TTC34: variants seen among roughly 807,000 people sequenced by gnomAD.
TTC34 encodes the protein tetratricopeptide repeat domain 34.
In TTC34, 44 loss-of-function variants were observed where a neutral mutation model predicts 40.7. That is an observed-to-expected ratio of 1.08 (90% CI 0.85 to 1.39). TTC34 has a LOEUF of 1.39. Among genes scored for constraint, TTC34 ranks in the 40% most tolerant of loss-of-function variants. TTC34 has a pLI of 0.00. For missense variants in TTC34, 884 were observed against 838.0 expected (o/e 1.05, Z -0.68); for synonymous variants, 422 against 398.6 (o/e 1.06, Z -0.70).
intron 6 of TTC34, among the ~76,000 whole-genome samples, chr1:2,778,244 A>G (rs997020236): frequency 6.6e-6 from 1 of 152,224 alleles, no homozygotes; most frequent in Non-Finnish European, 1.5e-5. Context: ...AAGCCCTGGC[A>G]GGCACATTGC....
rs1218422550 is a variant in TTC34 at position 2,683,688 on chromosome 1, C to G, written c.2227-38125G>C. 4.0e-5 allele frequency among the ~76,000 whole-genome samples: 6 copies of G among 148,180 alleles called. No individual in the cohort carries two copies. The South Asian group carries it at 1.1e-3, about 26-fold the overall frequency. ...GCACGCTGCACCCCCAGGTGACGAT[C>G]TGACAGCCTGGAACAGCACCCACAC... is the stretch of plus-strand genomic sequence containing the variant. On this transcript the variant is annotated intron_variant, in intron 6 of 8. Transcript: ENST00000401095.
rs1333298359 is a variant in TTC34, at chr1:2,691,024, C to G, written c.2227-45461G>C. On this transcript the variant is annotated intron_variant, in intron 6 of 8. Transcript: ENST00000401095. ...CAGCCTGGAGCGGAACCCACACCAA[C>G]AGGCGAGCATCTGACAGCCTCGGTC... Among the ~76,000 whole-genome samples the G allele has an allele frequency of 5.8e-5, 5 of 85,744 alleles. 1 individual carries two copies. Among genetic ancestry groups the G allele is most frequent in the African/African-American group, 1.9e-4 (5 of 26,810 alleles). The allele number at this position is 85,744 out of a possible 152,430, so 56.3% of individuals were successfully genotyped here.
At chr1:2,686,008 G>T (rs1397677999) in intron 6 of TTC34, among the ~76,000 whole-genome samples, 2 of 119,226 alleles carry the variant, frequency 1.7e-5, no homozygotes. Flanking sequence ...ACCCCCAGGT[G>T]AGCATCTGAC....
In TTC34 at chr1:2,785,108, G is replaced by A. The variant is rs111513355; in HGVS notation, c.2059+711C>T. On this transcript the variant is annotated intron_variant, in intron 5 of 8. Coordinates refer to ENST00000401095, the Ensembl canonical transcript of TTC34. ...GCCCTCTGAATCCCCACTTCCACCC[G>A]ACATGGGCAACGCTGCCATCCCCCT... Among the ~76,000 whole-genome samples the A allele has an allele frequency of 4.6e-5, 7 of 152,292 alleles. 1 individual carries two copies. Among genetic ancestry groups the A allele is most frequent in the South Asian group, 2.1e-4 (1 of 4,828 alleles).
chr1:2,801,064 C>A (rs992401373), intron 1 of TTC34, among the ~76,000 whole-genome samples, 196 bp from the exon 2 acceptor site: 4 of 152,160 alleles, frequency 2.6e-5, no homozygotes, highest in Admixed American at 1.3e-4. Flanking sequence ...CAACTTCCAG[C>A]CCACTGTTCA....
At chr1:2,748,847 G>T (rs1425033491) in intron 6 of TTC34, among the ~76,000 whole-genome samples, 2 of 139,458 alleles carry the variant, frequency 1.4e-5, no homozygotes, top group Non-Finnish European at 3.0e-5. Context: ...ACAAACCCAG[G>T]TGAGCATCTG....
chr1:2,759,275 AC>A (rs1641611098), intron 6 of TTC34, among the ~76,000 whole-genome samples: 1 of 121,958 alleles, frequency 8.2e-6, no homozygotes, highest in Non-Finnish European at 1.7e-5. Context: ...CAGCACCCAC[AC>A]CCCCAGGCGA....
At chr1:2,688,353 T>C (rs1640468219) in intron 6 of TTC34, among the ~76,000 whole-genome samples, 1 of 144,598 alleles carries the variant, frequency 6.9e-6, no homozygotes, top group African/African-American at 2.7e-5. Flanking sequence ...TCGGACAGCC[T>C]GGAGCAGCAC....
At chr1:2,640,870 G>A (rs1443896095) in exon 9 of TTC34, 1 of 151,370 alleles carries the variant, frequency 6.6e-6, no homozygotes, top group African/African-American at 2.4e-5. Flanking sequence ...CAACTGCAGG[G>A]ACCAGGTTGC....
chr1:2,757,685 C>T (rs1641552399), intron 6 of TTC34, among the ~76,000 whole-genome samples: 1 of 142,340 alleles, frequency 7.0e-6, no homozygotes. Flanking sequence ...AGGTGAACAT[C>T]CGACATCGTG....
chr1:2,783,788 G>C lies in TTC34; in HGVS notation c.2060-13C>G. 1 of 1,485,204 alleles carries C rather than the reference G, an allele frequency of 6.7e-7. No homozygotes were observed. Among genetic ancestry groups the C allele is most frequent in the African/African-American group, 1.4e-5 (1 of 71,456 alleles). 92.0% of individuals were successfully genotyped at this position (1,485,204 alleles called of 1,614,324 possible). A position where few individuals can be genotyped will look rare whatever the true frequency, so the allele number is the denominator to read the frequency against. ...CTTGCCTGGCTTCCTGCAGGAAGAC[G>C]GCATGGGGTCAGGATGAGCCTATGC... On this transcript the variant is annotated splice_polypyrimidine_tract_variant and intron_variant, in intron 5 of 8. Coordinates refer to ENST00000401095, the Ensembl canonical transcript of TTC34.
At chr1:2,785,782 C>G (rs1643577620) in intron 5 of TTC34, 37 bp downstream of exon 5, 1 of 1,530,674 alleles carries the variant, frequency 6.5e-7, no homozygotes. Context: ...GTGCCTGGCA[C>G]AAGACTGGGC....
chr1:2,769,632 C>G (rs1404933811), intron 6 of TTC34, among the ~76,000 whole-genome samples: 20 of 142,920 alleles, frequency 1.4e-4, no homozygotes, highest in Non-Finnish European at 2.6e-4. Context: ...CACCCACACC[C>G]CCAGGTGAGC....
chr1:2,753,101 GC>G (rs1641380046), intron 6 of TTC34, among the ~76,000 whole-genome samples: 45 of 130,864 alleles, frequency 3.4e-4, no homozygotes, highest in East Asian at 9.4e-4. Flanking sequence ...ACACCCCCAG[GC>G]GAGCATCCGA....
At chr1:2,676,931 C>A (rs865812690) in intron 6 of TTC34, among the ~76,000 whole-genome samples, 3 of 148,158 alleles carry the variant, frequency 2.0e-5, no homozygotes, top group South Asian at 2.2e-4. Context: ...CCCACACCCC[C>A]AGGTGAGCAT....
intron 6 of TTC34, among the ~76,000 whole-genome samples, chr1:2,683,959 G>A (rs1640201983): frequency 7.4e-6 from 1 of 136,016 alleles, no homozygotes; most frequent in Non-Finnish European, 1.5e-5. Context: ...CACACCCACA[G>A]TTGAGCATCT....
At chr1:2,677,764 A>G (rs1380792780) in intron 6 of TTC34, among the ~76,000 whole-genome samples, 6 of 145,152 alleles carry the variant, frequency 4.1e-5, no homozygotes, top group East Asian at 4.3e-4. Flanking sequence ...CTGGAACAGC[A>G]CCCACACCCC....
intron 2 of TTC34, among the ~76,000 whole-genome samples, chr1:2,792,006 C>CTTTTTTGTTTTTTTTTTT (rs1643668279): frequency 5.1e-5 from 2 of 39,560 alleles, no homozygotes; most frequent in African/African-American, 1.7e-4. Flanking sequence ...TTGCCATATG[C>CTTTTTTGTTTTTTTTTTT]TTTTTTTTTT....
chr1:2,754,466 C>T (rs1223962518), intron 6 of TTC34, among the ~76,000 whole-genome samples: 4 of 47,902 alleles, frequency 8.4e-5, no homozygotes, highest in African/African-American at 1.8e-4. Context: ...CACCCCCAGG[C>T]GAGCATCTGA....
Sources: allele counts gnomAD v4.1 joint callset (sites outside exome capture counted in the v4.1 genomes callset), GRCh38; gene constraint gnomAD v4.1.1; transcripts MANE v1.5; gene names NCBI Gene and HGNC (gene_info 2026-07-23, HGNC 2026-07-21).